SMYD3: variants seen among roughly 807,000 people sequenced by gnomAD.
The protein encoded by SMYD3 is SET and MYND domain containing 3.
SMYD3 carries 36 observed loss-of-function variants against 57.7 expected under a neutral mutation model. The observed-to-expected ratio is 0.62, with a 90% CI of 0.48 to 0.82. The LOEUF (loss-of-function observed/expected upper bound fraction) is 0.82, where lower values mean the gene tolerates loss of function less well. SMYD3 is among the 40% of genes least tolerant of loss of function. SMYD3 has a pLI of 0.00. For synonymous variants in SMYD3, 211 were observed against 195.0 expected (o/e 1.08, Z -0.68); for missense variants, 515 against 538.8 (o/e 0.96, Z 0.44).
intron 7 of SMYD3, among the ~76,000 whole-genome samples, chr1:245,920,186 G>A (rs569876791): frequency 2.3e-4 from 35 of 152,090 alleles, no homozygotes; most frequent in South Asian, 6.2e-4. Context: ...GGTGGCGGGC[G>A]CCTGTAGTCC....
intron 10 of SMYD3, among the ~76,000 whole-genome samples, chr1:245,807,827 A>C (rs1419624252): frequency 3.3e-5 from 5 of 150,064 alleles, no homozygotes; most frequent in South Asian, 2.1e-4. Flanking sequence ...AAAAAAAAAA[A>C]CAAAAAACAA....
At chr1:246,378,753 ATATT>A (rs371603820) in intron 1 of SMYD3, among the ~76,000 whole-genome samples, 32 of 37,192 alleles carry the variant, frequency 8.6e-4, no homozygotes, top group African/African-American at 1.9e-3. Context: ...TATATATAAT[ATATT>A]TAATATATTA....
chr1:246,088,632 T>C (rs2060769121), intron 5 of SMYD3, among the ~76,000 whole-genome samples: 1 of 151,764 alleles, frequency 6.6e-6, no homozygotes, highest in African/African-American at 2.4e-5. Context: ...AAGTTAAGAG[T>C]AATGAGGGAA....
At chr1:246,217,999 T>A (rs1390873006) in intron 5 of SMYD3, among the ~76,000 whole-genome samples, 1 of 151,972 alleles carries the variant, frequency 6.6e-6, no homozygotes. Context: ...CAATGATATG[T>A]GTAACAGTTA....
At chr1:246,282,106 C>A (rs943447920) in intron 5 of SMYD3, among the ~76,000 whole-genome samples, 14 of 151,906 alleles carry the variant, frequency 9.2e-5, no homozygotes, top group Non-Finnish European at 1.9e-4. Flanking sequence ...GTATACTTTA[C>A]TTATATAGAT....
intron 5 of SMYD3, among the ~76,000 whole-genome samples, chr1:246,269,381 G>A (rs903464519): frequency 1.3e-5 from 2 of 152,006 alleles, no homozygotes; most frequent in South Asian, 2.1e-4. Context: ...CATTTTTGAC[G>A]TTAGGAAATG....
chr1:246,356,481 AATT>A (rs1379633828), intron 1 of SMYD3, among the ~76,000 whole-genome samples: 1 of 152,226 alleles, frequency 6.6e-6, no homozygotes, highest in Non-Finnish European at 1.5e-5. Flanking sequence ...TCAGAAGGTT[AATT>A]ATTAAGCTAA....
intron 1 of SMYD3, among the ~76,000 whole-genome samples, chr1:246,501,174 T>C (rs2068450683): frequency 1.3e-5 from 2 of 152,214 alleles, no homozygotes; most frequent in African/African-American, 4.8e-5. Context: ...GCTAACCATA[T>C]TTTACAAAAT....
intron 1 of SMYD3, among the ~76,000 whole-genome samples, chr1:246,439,714 G>A (rs200642008): frequency 6.6e-6 from 1 of 152,124 alleles, no homozygotes; most frequent in Non-Finnish European, 1.5e-5. Flanking sequence ...CTGGTAGGCG[G>A]GGGTGGGCGG....
chr1:245,927,473 A>C (rs1558502692), intron 7 of SMYD3, among the ~76,000 whole-genome samples: 1 of 152,228 alleles, frequency 6.6e-6, no homozygotes, highest in Non-Finnish European at 1.5e-5. Flanking sequence ...TTACTAGCAC[A>C]AAGTTAACAT....
chr1:246,066,552 G>A (rs1449630261), intron 5 of SMYD3, among the ~76,000 whole-genome samples: 1 of 152,162 alleles, frequency 6.6e-6, no homozygotes, highest in Non-Finnish European at 1.5e-5. Flanking sequence ...AATGACCTGT[G>A]ACCTAGAGGC....
chr1:246,411,987 A>C (rs1157887061), intron 1 of SMYD3, among the ~76,000 whole-genome samples: 1 of 151,922 alleles, frequency 6.6e-6, no homozygotes, highest in Non-Finnish European at 1.5e-5. Flanking sequence ...AAAAAAAAAA[A>C]AAAAAACTTA....
At chr1:246,267,664 C>T (rs923237961) in intron 5 of SMYD3, among the ~76,000 whole-genome samples, 10 of 152,210 alleles carry the variant, frequency 6.6e-5, no homozygotes, top group African/African-American at 2.4e-4. Flanking sequence ...AGACATTGTG[C>T]TTATATATTG....
intron 1 of SMYD3, among the ~76,000 whole-genome samples, chr1:246,422,429 T>C (rs1056203543): frequency 6.7e-6 from 1 of 149,694 alleles, no homozygotes; most frequent in East Asian, 2.0e-4. Context: ...CCTTTTTTTT[T>C]AATTTATTTT....
intron 5 of SMYD3, among the ~76,000 whole-genome samples, chr1:246,061,817 T>A (rs1178225342): frequency 6.6e-6 from 1 of 152,200 alleles, no homozygotes; most frequent in African/African-American, 2.4e-5. Flanking sequence ...TCGTTAGTGA[T>A]GAAATGAGAG....
chr1:245,751,709 G>T (rs948980149), intron 11 of SMYD3, among the ~76,000 whole-genome samples: 4 of 152,154 alleles, frequency 2.6e-5, no homozygotes, highest in African/African-American at 9.7e-5. Context: ...TTGTGACCCC[G>T]CACTGGCAGT....
At chr1:246,082,905 T>C (rs1001004517) in intron 5 of SMYD3, among the ~76,000 whole-genome samples, 2 of 150,758 alleles carry the variant, frequency 1.3e-5, no homozygotes, top group Admixed American at 6.6e-5. Context: ...GTTAAACAGA[T>C]GCTTGAAGGC....
chr1:245,811,318 T>C lies in SMYD3; in HGVS notation c.1077-47169A>G, dbSNP rs549178993. 4.0e-4 allele frequency among the ~76,000 whole-genome samples: 61 copies of C among 152,280 alleles called. 2 individuals carry two copies. In the South Asian group the frequency reaches 0.013, roughly 32 times the overall value. ...ATACTGAATGCCCCCTTGAAGCAAA[T>C]AATTTTGAAGCAGTTCAGGTATACA... On this transcript the variant is annotated intron_variant, in intron 10 of 11. Transcript: ENST00000490107.
intron 5 of SMYD3, among the ~76,000 whole-genome samples, chr1:245,993,615 TAGATAGATAGATAGATAGACAGAC>T (rs1474281120): frequency 1.4e-4 from 10 of 73,246 alleles, no homozygotes; most frequent in African/African-American, 3.5e-4. Flanking sequence ...GATAGATAGA[TAGATAGATAGATAGATAGACAGAC>T]AGACAGACAG....
Sources: allele counts gnomAD v4.1 joint callset (sites outside exome capture counted in the v4.1 genomes callset), GRCh38; gene constraint gnomAD v4.1.1; transcripts MANE v1.5; gene names NCBI Gene and HGNC (gene_info 2026-07-23, HGNC 2026-07-21).